SND1: variants seen among roughly 807,000 people sequenced by gnomAD.
SND1 encodes staphylococcal nuclease and tudor domain containing 1.
Under a neutral mutation model 121.7 loss-of-function variants are expected in SND1, and 38 were observed. That is an observed-to-expected ratio of 0.31 (90% CI 0.24 to 0.41). The LOEUF (loss-of-function observed/expected upper bound fraction) is 0.41, where lower values mean the gene tolerates loss of function less well. Ranked by LOEUF, SND1 falls within the 10% of genes least tolerant of loss-of-function variation. The probability of loss-of-function intolerance (pLI) is 1.00; values close to 1 mark genes in which losing one functional copy is unlikely to be tolerated. For synonymous variants in SND1, 401 were observed against 447.4 expected (o/e 0.90, Z 1.31); for missense variants, 868 against 1,184.6 (o/e 0.73, Z 3.92).
At chr7:127,711,269 A>G (rs779395981) in intron 9 of SND1, among the ~76,000 whole-genome samples, 2 of 152,218 alleles carry the variant, frequency 1.3e-5, no homozygotes, top group Non-Finnish European at 2.9e-5. Context: ...TTTTAGTGGC[A>G]TACATTCTCT....
intron 15 of SND1, among the ~76,000 whole-genome samples, chr7:127,933,650 C>G (rs1015853680): frequency 6.6e-6 from 1 of 152,150 alleles, no homozygotes; most frequent in African/African-American, 2.4e-5. Context: ...GAAACAAGCC[C>G]ATTATTAAGC....
intron 11 of SND1, among the ~76,000 whole-genome samples, chr7:127,824,980 G>A (rs35421080): frequency 0.059 from 8,954 of 152,210 alleles, 392 homozygotes; most frequent in Middle Eastern, 0.19. Context: ...TGTGGACACC[G>A]AATAAAAATT....
chr7:127,978,179 G>A (rs1037970992), intron 15 of SND1, among the ~76,000 whole-genome samples: 7 of 152,132 alleles, frequency 4.6e-5, no homozygotes, highest in Admixed American at 4.6e-4. Context: ...GAGGGCAACA[G>A]TAAGAAACAA....
intron 2 of SND1, among the ~76,000 whole-genome samples, chr7:127,687,691 TTTTTGTTTTG>T (rs1795838984): frequency 1.3e-5 from 2 of 152,120 alleles, no homozygotes; most frequent in African/African-American, 4.8e-5. Context: ...TTACTGATTT[TTTTTGTTTTG>T]TTTTGAGACA....
intron 12 of SND1, among the ~76,000 whole-genome samples, chr7:127,878,309 G>A (rs1799727821): frequency 6.6e-6 from 1 of 152,114 alleles, no homozygotes; most frequent in Non-Finnish European, 1.5e-5. Flanking sequence ...CCTTAAATAT[G>A]AACTAAAACT....
intron 10 of SND1, among the ~76,000 whole-genome samples, chr7:127,785,929 C>T (rs556676766): frequency 6.6e-6 from 1 of 152,308 alleles, no homozygotes; most frequent in East Asian, 1.9e-4. Flanking sequence ...TGGTTCCTTC[C>T]TGTGCCTTCT....
intron 12 of SND1, among the ~76,000 whole-genome samples, chr7:127,853,173 A>G (rs35971484): frequency 0.01 from 1,568 of 152,214 alleles, 16 homozygotes; most frequent in Non-Finnish European, 0.014. Flanking sequence ...GCTCTCTGGT[A>G]GAGAGCTTTA....
intron 11 of SND1, among the ~76,000 whole-genome samples, chr7:127,817,681 A>G (rs1270258220): frequency 2.1e-5 from 3 of 145,222 alleles, no homozygotes; most frequent in African/African-American, 7.7e-5. Context: ...TCACCATTCC[A>G]TGGACATGCC....
chr7:127,929,479 T>C (rs1800916831), intron 15 of SND1, 150 bp downstream of exon 15: 7 of 783,270 alleles, frequency 8.9e-6, no homozygotes, highest in Admixed American at 2.3e-5. Flanking sequence ...AGTTTCTAGA[T>C]TGGATCCTCC....
chr7:128,016,901 T>G (rs1007252271), intron 16 of SND1, among the ~76,000 whole-genome samples: 3 of 152,252 alleles, frequency 2.0e-5, no homozygotes, highest in Non-Finnish European at 4.4e-5. Flanking sequence ...ATCCAGAAAT[T>G]CTAGTCATTT....
chr7:127,967,760 TA>T (rs1231292501), intron 15 of SND1, among the ~76,000 whole-genome samples: 2 of 152,232 alleles, frequency 1.3e-5, no homozygotes, highest in Non-Finnish European at 2.9e-5. Context: ...CTATAGTTGC[TA>T]AAAAATATTT....
At chr7:128,036,121 A>G (rs534814586) in intron 16 of SND1, among the ~76,000 whole-genome samples, 34 of 152,244 alleles carry the variant, frequency 2.2e-4, no homozygotes, top group Non-Finnish European at 3.7e-4. Flanking sequence ...AAAGATATCA[A>G]TTGGTGAATC....
At chr7:128,030,634 G>C in intron 16 of SND1, 2 of 1,557,490 alleles carry the variant, frequency 1.3e-6, no homozygotes, top group African/African-American at 1.4e-5. Flanking sequence ...TGCCACAAGA[G>C]CTTCATGGTG....
intron 11 of SND1, among the ~76,000 whole-genome samples, chr7:127,838,081 G>T (rs1018482407): frequency 2.0e-5 from 3 of 152,160 alleles, no homozygotes; most frequent in Non-Finnish European, 4.4e-5. Context: ...ACGAGCCTGA[G>T]TGGCGGAATG....
chr7:127,706,259 C>T (rs1161162459), intron 8 of SND1, among the ~76,000 whole-genome samples: 1 of 72,928 alleles, frequency 1.4e-5, no homozygotes, highest in Non-Finnish European at 2.5e-5. Context: ...CCCTCCCCCC[C>T]CCCACCTTTT....
intron 9 of SND1, among the ~76,000 whole-genome samples, chr7:127,710,284 G>A (rs916883455): frequency 2.6e-5 from 4 of 152,042 alleles, no homozygotes; most frequent in African/African-American, 7.2e-5. Flanking sequence ...AAACTGCGTG[G>A]CCTGCAAAGC....
chr7:127,802,003 G>A (rs1309947804), intron 10 of SND1, among the ~76,000 whole-genome samples: 1 of 152,044 alleles, frequency 6.6e-6, no homozygotes, highest in Non-Finnish European at 1.5e-5. Context: ...CACCATGCTT[G>A]GCTAAATTTT....
intron 13 of SND1, among the ~76,000 whole-genome samples, chr7:127,903,502 AG>A (rs2116763071): frequency 6.6e-6 from 1 of 152,298 alleles, no homozygotes; most frequent in African/African-American, 2.4e-5. Context: ...GAAACTAGAT[AG>A]TAGGAAAACT....
chr7:127,884,605 C>T (rs1799858049), intron 12 of SND1, among the ~76,000 whole-genome samples: 1 of 151,942 alleles, frequency 6.6e-6, no homozygotes, highest in Admixed American at 6.6e-5. Flanking sequence ...TCAGATGTTC[C>T]CTATCTAACC....
Sources: allele counts gnomAD v4.1 joint callset (sites outside exome capture counted in the v4.1 genomes callset), GRCh38; gene constraint gnomAD v4.1.1; transcripts MANE v1.5; gene names NCBI Gene and HGNC (gene_info 2026-07-23, HGNC 2026-07-21).